Variants in KANSL2 observed in about 807,000 individuals in gnomAD.
KANSL2 encodes the protein NSL complex protein NSL2.
KANSL2 carries 34 observed loss-of-function variants against 55.6 expected under a neutral mutation model. The observed-to-expected ratio is 0.61, with a 90% CI of 0.46 to 0.81. KANSL2 has a LOEUF of 0.81. Among genes scored for constraint, KANSL2 ranks in the 40% least tolerant of loss-of-function variants. The pLI, the probability that KANSL2 is intolerant of heterozygous loss-of-function variation, is 0.00. For synonymous variants in KANSL2, 209 were observed against 214.3 expected (o/e 0.98, Z 0.22); for missense variants, 502 against 609.9 (o/e 0.82, Z 1.86).
intron 7 of KANSL2, among the ~76,000 whole-genome samples, chr12:48,662,141 G>A (rs1939499373): frequency 6.6e-6 from 1 of 152,164 alleles, no homozygotes; most frequent in Admixed American, 6.5e-5. Context: ...GTCTCGCTCT[G>A]TCACCCAGGC....
At chr12:48,666,126 A>G (rs1939593386) in intron 7 of KANSL2, among the ~76,000 whole-genome samples, 1 of 152,138 alleles carries the variant, frequency 6.6e-6, no homozygotes, top group African/African-American at 2.4e-5. Flanking sequence ...AGGTGGGAAG[A>G]TCGTTTAAGC....
Position 48,681,541 on chromosome 12 carries a change from G to C in KANSL2, c.92C>G (p.Thr31Ser). 2 of 1,614,002 alleles carry C rather than the reference G, an allele frequency of 1.2e-6. No individual in the cohort carries two copies. The highest frequency in any genetic ancestry group is 1.7e-6 in the Non-Finnish European group (2 of 1,179,890). The change falls in exon 2 of 10, where the codon ACT (threonine) becomes AGT (serine). Residue 31 changes from threonine (T) to serine (S), a missense_variant. Transcript: ENST00000420613. ...RSQEPLSCAF[T>S]HRPCSHPRLE... The stretch of plus-strand genomic sequence containing the variant: ...ACGAGGGTGAGAGCATGGACGATGA[G>C]TGAATGCACAAGACAGAGGTTCCTG...
At chr12:48,655,778 C>T (rs928449102) in intron 8 of KANSL2, among the ~76,000 whole-genome samples, 1 of 151,948 alleles carries the variant, frequency 6.6e-6, no homozygotes, top group Non-Finnish European at 1.5e-5. Flanking sequence ...CACTTAAAAA[C>T]GGCCAGGTGC....
chr12:48,676,262 C>T (rs755480398), intron 4 of KANSL2, among the ~76,000 whole-genome samples: 2 of 152,142 alleles, frequency 1.3e-5, no homozygotes, highest in East Asian at 1.9e-4. Context: ...TGCACCACCA[C>T]GTCTGGCTAA....
intron 4 of KANSL2, among the ~76,000 whole-genome samples, chr12:48,675,091 G>T (rs1171747579): frequency 6.6e-6 from 1 of 151,418 alleles, no homozygotes; most frequent in African/African-American, 2.4e-5. Context: ...AATGTGAAAA[G>T]GCTTTAAAAA....
rs141698308 is a variant in KANSL2, at chr12:48,658,333, CAT to C, written c.1227+2031_1227+2032del. On this transcript the variant is annotated intron_variant, in intron 8 of 9. Transcript: ENST00000420613. ...GTATGTTTTCAGAAAAGGCTTTTCT[CAT>C]ATATACAAAGGGTTGTCTTTTATAA... is the stretch of plus-strand genomic sequence containing the variant. Among the ~76,000 whole-genome samples, 1,215 of 152,208 alleles carry C rather than the reference CAT, an allele frequency of 8.0e-3. 13 individuals are homozygous for C. Among genetic ancestry groups the C allele is most frequent in the African/African-American group, 0.028 (1,182 of 41,518 alleles).
chr12:48,657,658 C>G (rs1939411879), intron 8 of KANSL2, among the ~76,000 whole-genome samples: 1 of 152,054 alleles, frequency 6.6e-6, no homozygotes, highest in East Asian at 2.0e-4. Flanking sequence ...CTCTTGTTAC[C>G]CAGGCTGGAG....
intron 4 of KANSL2, among the ~76,000 whole-genome samples, chr12:48,675,090 A>G (rs1049422994): frequency 1.3e-5 from 2 of 151,710 alleles, no homozygotes; most frequent in African/African-American, 4.8e-5. Flanking sequence ...AAATGTGAAA[A>G]GGCTTTAAAA....
chr12:48,670,665 A>AT (rs1168339305), intron 5 of KANSL2, among the ~76,000 whole-genome samples: 1 of 152,194 alleles, frequency 6.6e-6, no homozygotes, highest in Non-Finnish European at 1.5e-5. Context: ...TTTCTTAAAA[A>AT]TTTTTTTAAG....
chr12:48,678,892 A>G, intron 4 of KANSL2, 144 bp downstream of exon 4: 1 of 571,700 alleles, frequency 1.7e-6, no homozygotes, highest in Non-Finnish European at 3.1e-6. Flanking sequence ...ACAATGAACC[A>G]TGCCACTTTT....
intron 4 of KANSL2, 105 bp downstream of exon 4, chr12:48,678,925 GACAAAT>G: frequency 1.4e-6 from 1 of 706,380 alleles, no homozygotes; most frequent in South Asian, 1.7e-5. Context: ...TCTTACTGCT[GACAAAT>G]AGCTGTCTTC....
chr12:48,678,502 T>C (rs1486334410), intron 4 of KANSL2, among the ~76,000 whole-genome samples: 2 of 152,224 alleles, frequency 1.3e-5, no homozygotes, highest in South Asian at 2.1e-4. Flanking sequence ...CTTGAGCTGA[T>C]GAATATGCTA....
chr12:48,671,622 C>G (rs1939715619), intron 5 of KANSL2, among the ~76,000 whole-genome samples, 177 bp downstream of exon 5: 1 of 152,158 alleles, frequency 6.6e-6, no homozygotes, highest in Admixed American at 6.5e-5. Flanking sequence ...TACAGGTTTG[C>G]AGCCTAGGTA....
chr12:48,656,901 C>A (rs765291014), intron 8 of KANSL2: 5 of 339,698 alleles, frequency 1.5e-5, no homozygotes, highest in African/African-American at 4.3e-5. Flanking sequence ...TTTGTACCCC[C>A]CTATGTTTAA....
chr12:48,661,991 A>G (rs1363542306), intron 7 of KANSL2, among the ~76,000 whole-genome samples: 1 of 152,262 alleles, frequency 6.6e-6, no homozygotes, highest in Non-Finnish European at 1.5e-5. Context: ...GAATAAACAT[A>G]TGAATCTAAT....
chr12:48,681,286 A>G, intron 2 of KANSL2, 96 bp downstream of exon 2: 1 of 1,418,314 alleles, frequency 7.1e-7, no homozygotes, highest in Non-Finnish European at 9.5e-7. Flanking sequence ...ATTTACAAGG[A>G]CAAAATCTCA....
chr12:48,675,239 A>G (rs2137200329), intron 4 of KANSL2, among the ~76,000 whole-genome samples: 2 of 151,684 alleles, frequency 1.3e-5, no homozygotes, highest in Middle Eastern at 6.8e-3. Flanking sequence ...CTACTAAAAT[A>G]CAAAAAAAAG....
chr12:48,659,602 AAC>A (rs1480112088), intron 8 of KANSL2, among the ~76,000 whole-genome samples: 1 of 152,102 alleles, frequency 6.6e-6, no homozygotes, highest in Non-Finnish European at 1.5e-5. Flanking sequence ...CAGCCTGAGC[AAC>A]AGAGCAAGAC....
At chr12:48,674,402 G>A (rs1049524435) in intron 4 of KANSL2, among the ~76,000 whole-genome samples, 4 of 152,022 alleles carry the variant, frequency 2.6e-5, no homozygotes, top group African/African-American at 9.7e-5. Context: ...CACCCGACTC[G>A]GCCTCCCAAA....
Sources: allele counts gnomAD v4.1 joint callset (sites outside exome capture counted in the v4.1 genomes callset), GRCh38; gene constraint gnomAD v4.1.1; transcripts MANE v1.5; gene names NCBI Gene and HGNC (gene_info 2026-07-23, HGNC 2026-07-21).